The following SESN2 variants were observed in gnomAD, a reference collection of about 807,000 sequenced individuals.
The protein encoded by SESN2 is sestrin-2.
In SESN2, 42 loss-of-function variants were observed where a neutral mutation model predicts 56.0. The observed-to-expected ratio is 0.75, with a 90% confidence interval of 0.59 to 0.97. SESN2 has a LOEUF of 0.97. SESN2 is among the 50% of genes least tolerant of loss of function. SESN2 has a pLI of 0.00. For missense variants in SESN2, 507 were observed against 649.4 expected (o/e 0.78, Z 2.38); for synonymous variants, 264 against 267.1 (o/e 0.99, Z 0.11).
At chr1:28,260,573 G>A (rs1572089074) in intron 1 of SESN2, among the ~76,000 whole-genome samples, 1 of 152,202 alleles carries the variant, frequency 6.6e-6, no homozygotes, top group East Asian at 1.9e-4. Context: ...TGGGGGGAGA[G>A]GGGACAACCC....
In SESN2 at chr1:28,282,250, C is replaced by G. The variant is rs1320098040; in HGVS notation, c.*1448C>G. 1 of 152,630 alleles carries G rather than the reference C, an allele frequency of 6.6e-6. No individual in the cohort carries two copies. Among genetic ancestry groups the G allele is most frequent in the South Asian group, 2.1e-4 (1 of 4,828 alleles). 9.5% of individuals were successfully genotyped at this position (152,630 alleles called of 1,614,324 possible). The stretch of plus-strand genomic sequence containing the variant: ...CCTGGCCAGTGTGCCACATTAAATA[C>G]CCGTGCAGGCGCGGAGAAGCAACCG... On this transcript the variant is annotated 3_prime_UTR_variant, in exon 10 of 10. Coordinates refer to ENST00000253063, the MANE Select transcript of SESN2 (RefSeq NM_031459.5).
chr1:28,280,535 T>A (rs1648195577), intron 9 of SESN2, among the ~76,000 whole-genome samples, 181 bp from the exon 10 acceptor site: 1 of 152,214 alleles, frequency 6.6e-6, no homozygotes, highest in South Asian at 2.1e-4. Context: ...CAGAGCTTAG[T>A]CATGATAGGA....
At chr1:28,264,004 C>T (rs1055235082) in intron 1 of SESN2, among the ~76,000 whole-genome samples, 2 of 148,630 alleles carry the variant, frequency 1.3e-5, no homozygotes, top group African/African-American at 5.0e-5. Flanking sequence ...GTGGGAAGAT[C>T]GCTTGAGCCC....
chr1:28,278,946 C>T (rs1279626120), intron 8 of SESN2, 151 bp from the exon 9 acceptor site: 11 of 729,748 alleles, frequency 1.5e-5, no homozygotes, highest in Non-Finnish European at 1.2e-5. Flanking sequence ...ACGATATCAG[C>T]TGTTTCTCCA....
Position 28,274,844 on chromosome 1 carries a change from A to G in SESN2, c.1040A>G (p.His347Arg). ...CCTAAGGATTATACCTGGGAAGACC[A>G]TGGCTACTCGCTGATCCAGCGGCTT... ...FRAQDYTWEDHGYSLIQRLYP... is the reference protein window; with the variant it reads ...FRAQDYTWEDRGYSLIQRLYP... The change falls in exon 8 of 10, where the codon CAT becomes CGT. Residue 347 changes from histidine (H) to arginine (R), a missense_variant. By Grantham distance (29) the His-to-Arg change is conservative. Transcript: ENST00000253063. The G allele has an allele frequency of 1.9e-6, 3 of 1,613,796 alleles. No homozygotes were observed. The highest frequency in any genetic ancestry group is 2.5e-6 in the Non-Finnish European group (3 of 1,179,758).
At position 28,272,473 on chromosome 1, in the gene SESN2, G is replaced by C; in HGVS notation, c.537+7G>C. The stretch of plus-strand genomic sequence containing the variant: ...CACCAAGGAACACATCCAGGTGCAG[G>C]GGGCAGAGAGGCGGGTGTCTGAGGG... On this transcript the variant is annotated splice_region_variant and intron_variant, in intron 4 of 9. Coordinates refer to ENST00000253063, the MANE Select transcript of SESN2 (RefSeq NM_031459.5). The C allele has an allele frequency of 6.2e-7, 1 of 1,612,298 alleles. No homozygotes were observed. Among genetic ancestry groups the C allele is most frequent in the Non-Finnish European group, 8.5e-7 (1 of 1,179,200 alleles).
chr1:28,279,158 A>AT lies in SESN2; in HGVS notation c.1274dup (p.Lys426GlnfsTer238), dbSNP rs1557736464. 6.2e-7 allele frequency: 1 copy of AT among 1,614,182 alleles called. No individual in the cohort carries two copies. The highest frequency in any genetic ancestry group is 2.2e-5 in the East Asian group (1 of 44,886). On this transcript the variant is annotated frameshift_variant, in exon 9 of 10. Transcript: ENST00000253063. LOFTEE classifies it high-confidence loss of function. ...CCTGGAGCGGAACCTCAAGGTCTAT[A>AT]TCAAGACAGTGGCCTGCTACCCAGA...
intron 8 of SESN2, among the ~76,000 whole-genome samples, chr1:28,278,333 C>T (rs1410936940): frequency 6.6e-6 from 1 of 152,198 alleles, no homozygotes; most frequent in Non-Finnish European, 1.5e-5. Context: ...CTTTGGGAGG[C>T]TGAGGCAGGC....
At chr1:28,276,387 G>A (rs1648040983) in intron 8 of SESN2, among the ~76,000 whole-genome samples, 1 of 151,800 alleles carries the variant, frequency 6.6e-6, no homozygotes, top group African/African-American at 2.4e-5. Flanking sequence ...GCTGAGACAG[G>A]AGGATCACTT....
intron 2 of SESN2, 104 bp from the exon 3 acceptor site, chr1:28,271,570 G>A (rs1331597345): frequency 2.5e-6 from 2 of 806,616 alleles, no homozygotes; most frequent in African/African-American, 3.4e-5. Context: ...CACGGTGGTG[G>A]TTTTTAGTTT....
At chr1:28,268,483 T>G (rs976090927) in intron 1 of SESN2, among the ~76,000 whole-genome samples, 1 of 151,932 alleles carries the variant, frequency 6.6e-6, no homozygotes, top group African/African-American at 2.4e-5. Flanking sequence ...CTGGCCAACA[T>G]GGAGAAACCC....
chr1:28,261,121 T>C (rs767629897), intron 1 of SESN2, among the ~76,000 whole-genome samples: 4 of 152,168 alleles, frequency 2.6e-5, no homozygotes, highest in Non-Finnish European at 5.9e-5. Flanking sequence ...ACCTGGGATT[T>C]GGTGGAGTGC....
intron 1 of SESN2, among the ~76,000 whole-genome samples, chr1:28,262,877 G>A (rs920920951): frequency 3.3e-5 from 5 of 152,160 alleles, no homozygotes; most frequent in Non-Finnish European, 7.3e-5. Flanking sequence ...GCAGTGAGCC[G>A]AGATCGCTTC....
intron 1 of SESN2, among the ~76,000 whole-genome samples, chr1:28,263,845 C>T (rs1032843510): frequency 5.3e-5 from 8 of 152,046 alleles, no homozygotes; most frequent in African/African-American, 1.9e-4. Context: ...GAGACTCTGC[C>T]GCCGCCCCAA....
At chr1:28,262,469 A>C (rs1247036293) in intron 1 of SESN2, among the ~76,000 whole-genome samples, 3 of 151,284 alleles carry the variant, frequency 2.0e-5, no homozygotes, top group African/African-American at 7.3e-5. Flanking sequence ...TGTCTCTACA[A>C]AATATACAAA....
rs182473796 is a variant in SESN2 at position 28,260,990 on chromosome 1, C to T, written c.90+1053C>T. Among the ~76,000 whole-genome samples, 352 of 152,286 alleles carry T rather than the reference C, an allele frequency of 2.3e-3. 2 individuals carry two copies. The highest frequency in any genetic ancestry group is 8.1e-3 in the African/African-American group (338 of 41,570). On this transcript the variant is annotated intron_variant, in intron 1 of 9. Coordinates refer to ENST00000253063, the MANE Select transcript of SESN2 (RefSeq NM_031459.5). Reference sequence around the variant, plus strand: ...CACGATGGGCTCAGAAAGAGGCTTTCTTCATTAACCCCACTGAATATCTTG... The same window carrying T: ...CACGATGGGCTCAGAAAGAGGCTTTTTTCATTAACCCCACTGAATATCTTG...
chr1:28,263,395 T>C (rs1647449604), intron 1 of SESN2, among the ~76,000 whole-genome samples: 1 of 152,182 alleles, frequency 6.6e-6, no homozygotes, highest in South Asian at 2.1e-4. Flanking sequence ...CCCTCCACCC[T>C]GCCCACTCCA....
At chr1:28,262,734 C>G (rs1291616885) in intron 1 of SESN2, among the ~76,000 whole-genome samples, 1 of 151,732 alleles carries the variant, frequency 6.6e-6, no homozygotes, top group Non-Finnish European at 1.5e-5. Flanking sequence ...TGAGACCATT[C>G]TGGCTAATAC....
In SESN2 at chr1:28,274,090, G is replaced by A; in HGVS notation, c.952G>A (p.Asp318Asn). The change falls in exon 7 of 10, where the codon GAC becomes AAC. Residue 318 changes from aspartate to asparagine, a missense_variant. By Grantham distance (23) the Asp-to-Asn change is conservative. Coordinates refer to ENST00000253063, the MANE Select transcript of SESN2 (RefSeq NM_031459.5). Reference protein sequence around the residue: ...PHPDMLCFVEDPTFGYEDFTR... With the variant: ...PHPDMLCFVENPTFGYEDFTR... The stretch of plus-strand genomic sequence containing the variant: ...CCCAGACATGCTGTGCTTTGTGGAA[G>A]ACCCTACTTTCGGATATGAGGACTT... The A allele has an allele frequency of 6.2e-7, 1 of 1,614,166 alleles. No individual in the cohort carries two copies. Among genetic ancestry groups the A allele is most frequent in the Non-Finnish European group, 8.5e-7 (1 of 1,179,998 alleles).
Sources: gnomAD v4.1 joint callset for allele counts (sites outside exome capture counted in the v4.1 genomes callset) on GRCh38, gnomAD v4.1.1 for gene constraint, MANE v1.5 for transcripts, NCBI Gene and HGNC (gene_info 2026-07-23, HGNC 2026-07-21) for gene names.